Variants in MDM2 observed in about 807,000 individuals in gnomAD.
The protein encoded by MDM2 is MDM2 proto-oncogene.
In MDM2, 11 loss-of-function variants were observed where a neutral mutation model predicts 64.3. The observed-to-expected ratio is 0.17, with a 90% confidence interval of 0.11 to 0.28. The LOEUF is 0.28. Ranked by LOEUF, MDM2 falls within the 10% of genes least tolerant of loss-of-function variation. The pLI is 1.00. For synonymous variants in MDM2, 194 were observed against 192.9 expected (o/e 1.01, Z -0.05); for missense variants, 388 against 577.1 (o/e 0.67, Z 3.36).
chr12:68,839,015 T>C (rs1406307292), intron 10 of MDM2, among the ~76,000 whole-genome samples: 1 of 152,192 alleles, frequency 6.6e-6, no homozygotes, highest in Non-Finnish European at 1.5e-5. Flanking sequence ...TGTAATCCAT[T>C]ATCTTGAATA....
At chr12:68,808,838 G>T in intron 1 of MDM2, 2 of 859,372 alleles carry the variant, frequency 2.3e-6, no homozygotes, top group Non-Finnish European at 2.8e-6. Context: ...GTGCCTGTCG[G>T]GTCACTAGTG....
chr12:68,841,813 T>TG lies in MDM2; in HGVS notation c.*1965dup, dbSNP rs1883791759. 4.8e-6 allele frequency: 1 copy of TG among 207,262 alleles called. No individual in the cohort carries two copies. The highest frequency in any genetic ancestry group is 2.3e-5 in the African/African-American group (1 of 43,834). 12.8% of individuals were successfully genotyped at this position (207,262 alleles called of 1,614,324 possible). ...TTCTTTCTGAATTATTCAGAAATTA[T>TG]GCATCATTTTCCTTCAAGAATGACA... On this transcript the variant is annotated 3_prime_UTR_variant, in exon 11 of 11. Coordinates refer to ENST00000258149, the MANE Select transcript of MDM2 (RefSeq NM_002392.6).
chr12:68,810,613 C>T (rs1427180217), intron 2 of MDM2, among the ~76,000 whole-genome samples: 1 of 151,938 alleles, frequency 6.6e-6, no homozygotes, highest in East Asian at 1.9e-4. Flanking sequence ...AGGCGCCCAC[C>T]ACCACGCCCG....
chr12:68,825,524 G>A (rs1592584919), intron 7 of MDM2, among the ~76,000 whole-genome samples: 1 of 152,222 alleles, frequency 6.6e-6, no homozygotes, highest in African/African-American at 2.4e-5. Context: ...GTGGTGGCGG[G>A]TGCCTGTAGT....
intron 10 of MDM2, among the ~76,000 whole-genome samples, chr12:68,838,141 T>G (rs1340742540): frequency 1.3e-5 from 2 of 152,168 alleles, no homozygotes; most frequent in African/African-American, 4.8e-5. Flanking sequence ...CCCCCTTCTA[T>G]AACTTGAAAA....
At position 68,842,882 on chromosome 12, in the gene MDM2, A is replaced by C. The variant is rs915241919; in HGVS notation, c.*3033A>C. 20 of 206,866 alleles carry C rather than the reference A, an allele frequency of 9.7e-5. No individual in the cohort carries two copies. The highest frequency in any genetic ancestry group is 4.3e-4 in the African/African-American group (19 of 43,770). The allele number at this position is 206,866 out of a possible 1,614,324, so 12.8% of individuals were successfully genotyped here. A position where few individuals can be genotyped will look rare whatever the true frequency, so the allele number is the denominator to read the frequency against. ...ATATAATGAAGCCTAGTTATGCTGG[A>C]CTGTTTTGATCTCTTTTAATTGTTC... On this transcript the variant is annotated 3_prime_UTR_variant, in exon 11 of 11. Coordinates refer to ENST00000258149, the MANE Select transcript of MDM2 (RefSeq NM_002392.6).
rs1318570880 is a variant in MDM2 at position 68,824,416 on chromosome 12, G to C, written c.412G>C (p.Gly138Arg). The C allele has an allele frequency of 6.2e-7, 1 of 1,613,566 alleles. No homozygotes were observed. Among genetic ancestry groups the C allele is most frequent in the Non-Finnish European group, 8.5e-7 (1 of 1,179,738 alleles). Residue 138 changes from glycine to arginine, a missense_variant, in exon 6 of 11, where the codon GGG (glycine) becomes CGG (arginine). By Grantham distance (125) the Gly-to-Arg change is moderately radical. Transcript: ENST00000258149. ...VSENRCHLEG[G>R]SDQKDLVQEL... is the part of the protein sequence containing the mutation. ...TGAGAACAGGTGTCACCTTGAAGGT[G>C]GGAGTGATCAAAAGGTAATCTAAGT...
chr12:68,815,763 C>T (rs1457613068), intron 3 of MDM2: 1 of 220,794 alleles, frequency 4.5e-6, no homozygotes, highest in Admixed American at 5.8e-5. Flanking sequence ...ATTTCTAATA[C>T]AGTGATAATA....
chr12:68,839,572 C>T lies in MDM2; in HGVS notation c.1217C>T (p.Ser406Phe). The part of the protein sequence containing the change: ...ESEDYSQPST[S>F]SSIIYSSQED... ...GAAGACTATTCTCAGCCATCAACTT[C>T]TAGTAGCATTATTTATAGCAGCCAA... The change falls in exon 11 of 11, where the codon TCT becomes TTT. Residue 406 changes from serine (S) to phenylalanine (F), a missense_variant. This residue lies in a region of MDM2 where 138 missense variants were observed against 143.7 expected (regional missense o/e 0.96). Coordinates refer to ENST00000258149, the MANE Select transcript of MDM2 (RefSeq NM_002392.6). 2 of 1,613,338 alleles carry T rather than the reference C, an allele frequency of 1.2e-6. No homozygotes were observed. Among genetic ancestry groups the T allele is most frequent in the Non-Finnish European group, 1.7e-6 (2 of 1,179,974 alleles).
At chr12:68,833,280 AATATAAATAT>A (rs1883000929) in intron 8 of MDM2, among the ~76,000 whole-genome samples, 1 of 63,188 alleles carries the variant, frequency 1.6e-5, no homozygotes, top group African/African-American at 6.2e-5. Context: ...TATTTATATA[AATATAAATAT>A]ATATATTTAT....
At chr12:68,815,377 G>A (rs1476973089) in intron 3 of MDM2, among the ~76,000 whole-genome samples, 2 of 151,362 alleles carry the variant, frequency 1.3e-5, no homozygotes, top group Non-Finnish European at 2.9e-5. Context: ...AGCTAGTATG[G>A]GTAGTAAAAA....
intron 7 of MDM2, among the ~76,000 whole-genome samples, chr12:68,826,537 T>C (rs937648679): frequency 1.3e-4 from 19 of 150,212 alleles, no homozygotes; most frequent in Non-Finnish European, 2.4e-4. Flanking sequence ...TAATCCCAGC[T>C]ACTTGGGAGG....
In MDM2 at chr12:68,839,304, A is replaced by G. The variant is rs917870680; in HGVS notation, c.949A>G (p.Met317Val). Residue 317 changes from methionine (M) to valine (V), a missense_variant, in exon 11 of 11, where the codon ATG becomes GTG. Physicochemically the swap from Met to Val is conservative, Grantham distance 21. This residue lies in a region of MDM2 where 168 missense variants were observed against 236.6 expected (regional missense o/e 0.71). Coordinates refer to ENST00000258149, the MANE Select transcript of MDM2 (RefSeq NM_002392.6). ...TTGGAAATGCACTTCATGCAATGAA[A>G]TGAATCCCCCCCTTCCATCACATTG... is the stretch of plus-strand genomic sequence containing the variant. ...DYWKCTSCNE[M>V]NPPLPSHCNR... 1 of 1,613,516 alleles carries G rather than the reference A, an allele frequency of 6.2e-7. No homozygotes were observed.
rs1287709218 is a variant in MDM2 at position 68,845,050 on chromosome 12, G to A, written c.*5201G>A. On this transcript the variant is annotated 3_prime_UTR_variant, in exon 11 of 11. Coordinates refer to ENST00000258149, the MANE Select transcript of MDM2 (RefSeq NM_002392.6). Reference sequence around the variant, plus strand: ...CCCAAAGTGCTGTGATTACAGGCGTGAGCCGCCACGCCCAGCCTAATAAGG... The same window carrying A: ...CCCAAAGTGCTGTGATTACAGGCGTAAGCCGCCACGCCCAGCCTAATAAGG... 1 of 208,482 alleles carries A rather than the reference G, an allele frequency of 4.8e-6. No homozygotes were observed. Among genetic ancestry groups the A allele is most frequent in the African/African-American group, 2.3e-5 (1 of 43,786 alleles). 12.9% of individuals were successfully genotyped at this position (208,482 alleles called of 1,614,324 possible). A position where few individuals can be genotyped will look rare whatever the true frequency, so the allele number is the denominator to read the frequency against.
chr12:68,813,381 TG>T (rs1881075055), intron 2 of MDM2, among the ~76,000 whole-genome samples, 172 bp from the exon 3 acceptor site: 3 of 152,192 alleles, frequency 2.0e-5, no homozygotes, highest in African/African-American at 7.2e-5. Context: ...GATTGGATAC[TG>T]TCTGTGATCA....
At position 68,844,045 on chromosome 12, in the gene MDM2, A is replaced by G. The variant is rs1259097510; in HGVS notation, c.*4196A>G. On this transcript the variant is annotated 3_prime_UTR_variant, in exon 11 of 11. Coordinates refer to ENST00000258149, the MANE Select transcript of MDM2 (RefSeq NM_002392.6). ...TGTGATTATAAACATAGTACACTTG[A>G]TATATGGAGGCAGTGACAGCTATTT... is the stretch of plus-strand genomic sequence containing the variant. The G allele has an allele frequency of 4.8e-6, 1 of 206,848 alleles. No homozygotes were observed. Among genetic ancestry groups the G allele is most frequent in the African/African-American group, 2.3e-5 (1 of 43,846 alleles). 12.8% of individuals were successfully genotyped at this position (206,848 alleles called of 1,614,324 possible).
At position 68,809,278 on chromosome 12, in the gene MDM2, G is replaced by A. The variant is rs1361311287; in HGVS notation, c.85G>A (p.Glu29Lys). Reference sequence around the variant, plus strand: ...AACCACCTCACAGATTCCAGCTTCGGAACAAGAGACCCTGGTTAGTATTTT... The same window carrying A: ...AACCACCTCACAGATTCCAGCTTCGAAACAAGAGACCCTGGTTAGTATTTT... ...AVTTSQIPAS[E>K]QETLVRPKPL... The change falls in exon 2 of 11, where the codon GAA becomes AAA. Residue 29 changes from glutamate to lysine, a missense_variant. Coordinates refer to ENST00000258149, the MANE Select transcript of MDM2 (RefSeq NM_002392.6). 1 of 1,613,986 alleles carries A rather than the reference G, an allele frequency of 6.2e-7. No homozygotes were observed. The highest frequency in any genetic ancestry group is 1.1e-5 in the South Asian group (1 of 91,080).
Position 68,842,278 on chromosome 12 carries a change from A to G in MDM2, c.*2429A>G, listed in dbSNP as rs1294036414. 2 of 496,876 alleles carry G rather than the reference A, an allele frequency of 4.0e-6. No homozygotes were observed. Among genetic ancestry groups the G allele is most frequent in the East Asian group, 9.3e-5 (2 of 21,394 alleles). The allele number at this position is 496,876 out of a possible 1,614,324, so 30.8% of individuals were successfully genotyped here. ...GGACTACGGAAAGTTCAGGACATCA[A>G]AGAAGTCAGGCAAAACTCATCTTGA... On this transcript the variant is annotated 3_prime_UTR_variant, in exon 11 of 11. Coordinates refer to ENST00000258149, the MANE Select transcript of MDM2 (RefSeq NM_002392.6).
intron 10 of MDM2, among the ~76,000 whole-genome samples, chr12:68,837,721 T>G (rs1031213276): frequency 6.6e-6 from 1 of 152,216 alleles, no homozygotes; most frequent in East Asian, 1.9e-4. Flanking sequence ...TTAAAGAAAT[T>G]AACACTTAAA....
Sources: allele counts gnomAD v4.1 joint callset (sites outside exome capture counted in the v4.1 genomes callset), GRCh38; gene constraint gnomAD v4.1.1; regional missense constraint gnomAD v4.1.1; transcripts MANE v1.5; gene names NCBI Gene and HGNC (gene_info 2026-07-23, HGNC 2026-07-21).